Variants in MTA3 observed in about 807,000 individuals in gnomAD.
The protein encoded by MTA3 is metastasis associated 1 family member 3.
MTA3 carries 34 observed loss-of-function variants against 83.5 expected under a neutral mutation model. The ratio of observed to expected loss-of-function variants is 0.41; its 90% CI spans 0.31 to 0.54. The LOEUF is 0.54. Ranked by LOEUF, MTA3 falls within the 20% of genes least tolerant of loss-of-function variation. The pLI is 0.33. For synonymous variants in MTA3, 303 were observed against 252.7 expected, an observed-to-expected ratio of 1.20 and a Z score of -1.89; for missense variants, 761 against 726.4, an observed-to-expected ratio of 1.05 and a Z score of -0.55.
At chr2:42,532,846 C>T in intron 2 of MTA3, 1 of 383,526 alleles carries the variant, frequency 2.6e-6, no homozygotes. Flanking sequence ...CTGGGTGGAG[C>T]TGGCTGGCAC....
At chr2:42,686,812 G>A (rs1692410020) in intron 9 of MTA3, among the ~76,000 whole-genome samples, 1 of 146,042 alleles carries the variant, frequency 6.8e-6, no homozygotes, top group Non-Finnish European at 1.5e-5. Context: ...GGGTGATGGA[G>A]CAAGACTTCA....
In MTA3 at chr2:42,748,939, A is replaced by G. The variant is rs75344870; in HGVS notation, c.1760-4435A>G. On this transcript the variant is annotated intron_variant, in intron 16 of 16. Transcript: ENST00000405094. ...ATATTTCAATTTTGCCCTTAGTCCG[A>G]TGGGATTTCAATGGAAAGACCAAGT... is the stretch of plus-strand genomic sequence containing the variant. Among the ~76,000 whole-genome samples the G allele has an allele frequency of 7.5e-3, 1,138 of 152,318 alleles. 14 individuals are homozygous for G. The highest frequency in any genetic ancestry group is 0.026 in the African/African-American group (1,073 of 41,552).
intron 4 of MTA3, 112 bp from the exon 5 acceptor site, chr2:42,640,061 A>G: frequency 1.4e-6 from 1 of 708,690 alleles, no homozygotes; most frequent in South Asian, 1.9e-5. Context: ...ATATATTCCT[A>G]ACTGCCATGT....
At chr2:42,525,133 A>G (rs571667693) in intron 2 of MTA3, among the ~76,000 whole-genome samples, 3 of 135,192 alleles carry the variant, frequency 2.2e-5, no homozygotes, top group Non-Finnish European at 4.7e-5. Context: ...GTCTCTTGAG[A>G]GTTGAGATGT....
At chr2:42,697,907 C>G in intron 11 of MTA3, 73 bp downstream of exon 11, 1 of 1,119,124 alleles carries the variant, frequency 8.9e-7, no homozygotes, top group Non-Finnish European at 1.2e-6. Context: ...TCATTTTGTT[C>G]AGTTTCAGCA....
chr2:42,707,779 A>C, intron 12 of MTA3, 124 bp from the exon 13 acceptor site: 1 of 1,082,294 alleles, frequency 9.2e-7, no homozygotes, highest in South Asian at 1.9e-5. Flanking sequence ...TTTGGCTTGT[A>C]AGCTGGGAAC....
At chr2:42,508,665 G>A (rs991421160) in intron 2 of MTA3, among the ~76,000 whole-genome samples, 5 of 151,314 alleles carry the variant, frequency 3.3e-5, no homozygotes, top group African/African-American at 9.7e-5. Context: ...TGCCAATAAC[G>A]TAGTTTCATT....
intron 4 of MTA3, among the ~76,000 whole-genome samples, chr2:42,628,809 G>T: frequency 6.9e-6 from 1 of 145,110 alleles, no homozygotes; most frequent in African/African-American, 2.6e-5. Context: ...TTTACCTAGA[G>T]CAATTAGTGT....
chr2:42,609,499 T>G lies in MTA3; in HGVS notation c.232T>G (p.Leu78Val), dbSNP rs529813053. Residue 78 changes from leucine (L) to valine (V), a missense_variant, in exon 4 of 17, where the codon TTG (leucine) becomes GTG (valine). Physicochemically the swap from Leu to Val is conservative, Grantham distance 32. Transcript: ENST00000405094. ...EESETTVEAD[L>V]TDKQKHQLKH... Reference sequence around the variant, plus strand: ...ATCTGAAACAACAGTTGAGGCTGACTTGACCGATAAGCAGAAACATCAGTT... The same window carrying G: ...ATCTGAAACAACAGTTGAGGCTGACGTGACCGATAAGCAGAAACATCAGTT... 1 of 1,613,930 alleles carries G rather than the reference T, an allele frequency of 6.2e-7. No individual in the cohort carries two copies. The highest frequency in any genetic ancestry group is 1.1e-5 in the South Asian group (1 of 91,088).
At chr2:42,739,850 C>T (rs568859207) in intron 16 of MTA3, among the ~76,000 whole-genome samples, 22 of 152,282 alleles carry the variant, frequency 1.4e-4, no homozygotes, top group African/African-American at 4.3e-4. Context: ...ATTGTTCATC[C>T]GTAAGAAGCA....
intron 7 of MTA3, among the ~76,000 whole-genome samples, chr2:42,657,489 A>G (rs910360525): frequency 5.3e-5 from 8 of 152,286 alleles, no homozygotes; most frequent in Admixed American, 3.3e-4. Flanking sequence ...TGGTTAGGAG[A>G]CATTGCCATT....
Position 42,609,452 on chromosome 2 carries a change from G to C in MTA3, c.191-6G>C. ...CTAATAAATTCTTTGAATTTTATTTGTGTAGAAGAAATTGAGGAAGAATCT... is the reference window on the plus strand; with the variant it reads ...CTAATAAATTCTTTGAATTTTATTTCTGTAGAAGAAATTGAGGAAGAATCT... On this transcript the variant is annotated splice_region_variant and splice_polypyrimidine_tract_variant and intron_variant, in intron 3 of 16. Transcript: ENST00000405094. The C allele has an allele frequency of 1.9e-6, 3 of 1,613,098 alleles. No homozygotes were observed. In the South Asian group the frequency reaches 3.3e-5, roughly 18 times the overall value.
At chr2:42,525,998 A>C (rs915987648) in intron 2 of MTA3, among the ~76,000 whole-genome samples, 4 of 152,070 alleles carry the variant, frequency 2.6e-5, no homozygotes, top group African/African-American at 9.7e-5. Flanking sequence ...CCAGAGAGAA[A>C]GAACCCCCTC....
intron 8 of MTA3, among the ~76,000 whole-genome samples, chr2:42,667,586 G>GTGTGTTTGTGTGTA (rs1272269198): frequency 7.7e-6 from 1 of 129,936 alleles, no homozygotes; most frequent in Non-Finnish European, 1.6e-5. Flanking sequence ...GTGTGTGTGT[G>GTGTGTTTGTGTGTA]TGTGTGTGTG....
intron 2 of MTA3, among the ~76,000 whole-genome samples, chr2:42,511,396 G>C (rs1014594670): frequency 2.0e-5 from 3 of 150,808 alleles, no homozygotes; most frequent in African/African-American, 7.3e-5. Context: ...AGTTTACTCT[G>C]AGATACATGT....
chr2:42,679,250 G>A (rs1225562867), intron 8 of MTA3, among the ~76,000 whole-genome samples: 1 of 152,120 alleles, frequency 6.6e-6, no homozygotes, highest in Non-Finnish European at 1.5e-5. Context: ...AATTTTCCAT[G>A]ATATTATGGC....
intron 2 of MTA3, among the ~76,000 whole-genome samples, chr2:42,563,153 A>G (rs1289399983): frequency 1.3e-5 from 2 of 151,264 alleles, no homozygotes; most frequent in Non-Finnish European, 2.9e-5. Flanking sequence ...TTTCTAATCC[A>G]CTCTCTGTAC....
intron 2 of MTA3, among the ~76,000 whole-genome samples, chr2:42,518,429 C>G (rs959397574): frequency 3.3e-5 from 5 of 152,140 alleles, no homozygotes; most frequent in Non-Finnish European, 5.9e-5. Flanking sequence ...GAAGAACCAA[C>G]CGAAAGAGCT....
intron 16 of MTA3, among the ~76,000 whole-genome samples, chr2:42,746,299 G>A (rs10185815): frequency 0.33 from 49,448 of 151,924 alleles, 8,312 homozygotes; most frequent in Admixed American, 0.4. Context: ...GATGTTGTTC[G>A]AGCACAGATT....
Sources: gnomAD v4.1 joint callset for allele counts (sites outside exome capture counted in the v4.1 genomes callset) on GRCh38, gnomAD v4.1.1 for gene constraint, MANE v1.5 for transcripts, NCBI Gene and HGNC (gene_info 2026-07-23, HGNC 2026-07-21) for gene names.